The following MAP3K15 variants were observed in gnomAD, a reference collection of about 807,000 sequenced individuals.
MAP3K15 encodes the protein mitogen-activated protein kinase kinase kinase 15.
Under a neutral mutation model 99.5 loss-of-function variants are expected in MAP3K15, and 124 were observed. The observed-to-expected ratio is 1.25, with a 90% CI of 1.08 to 1.45. The LOEUF (loss-of-function observed/expected upper bound fraction) is 1.45, where lower values mean the gene tolerates loss of function less well. Among genes scored for constraint, MAP3K15 ranks in the 40% most tolerant of loss-of-function variants. The pLI, the probability that MAP3K15 is intolerant of heterozygous loss-of-function variation, is 0.00. For synonymous variants in MAP3K15, 494 were observed against 439.6 expected (o/e 1.12, Z -1.55); for missense variants, 1,242 against 1,079.7 (o/e 1.15, Z -2.11).
chrX:19,409,598 A>C (rs2063672159), intron 12 of MAP3K15, among the ~76,000 whole-genome samples: 1 of 112,019 alleles, frequency 8.9e-6, no homozygotes. Context: ...CAGTTCTCAG[A>C]GTCACTGAGC....
rs749376618 is a variant in MAP3K15 at position 19,398,206 on chromosome X, G to A, written c.2066+20C>T. 8.3e-7 allele frequency: 1 copy of A among 1,210,538 alleles called. No homozygotes were observed. Among genetic ancestry groups the A allele is most frequent in the East Asian group, 3.0e-5 (1 of 33,838 alleles). ...GTGTGGAGACGGCACCCGAAATGCG[G>A]AAGGCCCGCCTGGACTTGCCTGCTA... On this transcript the variant is annotated intron_variant, in intron 15 of 28. Coordinates refer to ENST00000338883, the MANE Select transcript of MAP3K15 (RefSeq NM_001001671.4).
chrX:19,391,951 G>A (rs1415667557), intron 18 of MAP3K15, 51 bp downstream of exon 18: 65 of 933,102 alleles, frequency 7.0e-5, no homozygotes, highest in Non-Finnish European at 1.0e-4. Context: ...AGCTTGTGCA[G>A]AAAGCGTAAC....
chrX:19,456,562 C>G (rs762507005), intron 6 of MAP3K15, among the ~76,000 whole-genome samples: 50 of 111,923 alleles, frequency 4.5e-4, no homozygotes, highest in African/African-American at 1.6e-3. Context: ...ATGTGTATAG[C>G]CAATTATCAA....
At chrX:19,391,674 C>CAAAAAAAAAAAAAAAAAAAAAAGAAA (rs2063528497) in intron 18 of MAP3K15, among the ~76,000 whole-genome samples, 4 of 28,516 alleles carry the variant, frequency 1.4e-4, no homozygotes, top group African/African-American at 1.1e-4. Context: ...GACCCCGTCT[C>CAAAAAAAAAAAAAAAAAAAAAAGAAA]AAAAAAAAAA....
intron 1 of MAP3K15, among the ~76,000 whole-genome samples, chrX:19,507,997 A>G (rs1457967507): frequency 9.0e-6 from 1 of 111,076 alleles, no homozygotes; most frequent in Non-Finnish European, 1.9e-5. Flanking sequence ...CCTCCCGAGT[A>G]GCTGAGATTA....
intron 18 of MAP3K15, among the ~76,000 whole-genome samples, chrX:19,385,362 C>A (rs5955764): frequency 9.0e-6 from 1 of 111,086 alleles, no homozygotes; most frequent in African/African-American, 3.3e-5. Flanking sequence ...GAGACTGATC[C>A]GAGAGAAAGA....
At position 19,515,050 on chromosome X, in the gene MAP3K15, G is replaced by C; in HGVS notation, c.212C>G (p.Ser71Cys). 1 of 1,006,393 alleles carries C rather than the reference G, an allele frequency of 9.9e-7. No homozygotes were observed. The highest frequency in any genetic ancestry group is 1.3e-6 in the Non-Finnish European group (1 of 770,346). The allele number at this position is 1,006,393 out of a possible 1,213,427, so 82.9% of individuals were successfully genotyped here. A position where few individuals can be genotyped will look rare whatever the true frequency, so the allele number is the denominator to read the frequency against. ...LRAVYVRSES[S>C]QGGAAGGPEA... is the part of the protein sequence containing the mutation. ...CGGGCCGCCGGCCGCGCCGCCCTGG[G>C]AGCTCTCACTGCGCACGTATACTGC... Residue 71 changes from serine to cysteine, a missense_variant, in exon 1 of 29, where the codon TCC becomes TGC. By Grantham distance (112) the Ser-to-Cys change is moderately radical. Transcript: ENST00000338883.
In MAP3K15 at chrX:19,460,123, G is replaced by A. The variant is rs759145081; in HGVS notation, c.750C>T (p.Asp250=). 33 of 1,189,990 alleles carry A rather than the reference G, an allele frequency of 2.8e-5. No homozygotes were observed. The highest frequency in any genetic ancestry group is 2.3e-4 in the Middle Eastern group (1 of 4,323). ...GGTATTTCTCTCTGGCTTTCCGGAT[G>A]TCATTTAACAAGGTTTCTTTGTAAT... ...CVYYKETLLN[D]IRKAREKYQG... is the part of the protein sequence containing the mutation. Residue 250 remains aspartate, a synonymous_variant, in exon 5 of 29, where the codon GAC becomes GAT. Coordinates refer to ENST00000338883, the MANE Select transcript of MAP3K15 (RefSeq NM_001001671.4).
Position 19,408,461 on chromosome X carries a change from T to G in MAP3K15, c.1749-1178A>C, listed in dbSNP as rs747207666. The G allele has an allele frequency of 1.6e-4, 22 of 135,058 alleles. No individual in the cohort carries two copies. The South Asian group carries it at 3.4e-3, about 21-fold the overall frequency. 11.1% of individuals were successfully genotyped at this position (135,058 alleles called of 1,213,427 possible). A position where few individuals can be genotyped will look rare whatever the true frequency, so the allele number is the denominator to read the frequency against. On this transcript the variant is annotated intron_variant, in intron 12 of 28. Transcript: ENST00000338883. The stretch of plus-strand genomic sequence containing the variant: ...TGAGGTCAGGAGTTCGAGACCAGCC[T>G]GACCAACATGGCAAAACCCTGACTC...
intron 16 of MAP3K15, 103 bp downstream of exon 16, chrX:19,394,978 G>A: frequency 1.0e-6 from 1 of 994,183 alleles, no homozygotes; most frequent in Non-Finnish European, 1.4e-6. Context: ...CGCCCTACAG[G>A]CCTGGCTTAG....
intron 16 of MAP3K15, among the ~76,000 whole-genome samples, chrX:19,394,282 G>T (rs2063549388): frequency 9.0e-6 from 1 of 111,414 alleles, no homozygotes; most frequent in Admixed American, 9.6e-5. Flanking sequence ...CCACCCAACA[G>T]CCCACTGAGA....
At chrX:19,431,721 A>G (rs5955779) in intron 6 of MAP3K15, 113 bp from the exon 7 acceptor site, 60,219 of 563,751 alleles carry the variant, frequency 0.11, 10,639 homozygotes, top group African/African-American at 0.77. Context: ...CGAAGCGGGT[A>G]GATCATTTGA....
At chrX:19,392,920 G>A in intron 16 of MAP3K15, among the ~76,000 whole-genome samples, 1 of 110,260 alleles carries the variant, frequency 9.1e-6, no homozygotes. Context: ...ATCAGAGGTG[G>A]ACAGGTCCAC....
In MAP3K15 at chrX:19,449,839, G is replaced by T. The variant is rs899112948; in HGVS notation, c.995+7074C>A. Among the ~76,000 whole-genome samples the T allele has an allele frequency of 2.7e-5, 3 of 109,100 alleles. No homozygotes were observed. In the Admixed American group the frequency reaches 2.9e-4, roughly 11 times the overall value. The allele number at this position is 109,100 out of a possible 115,157, so 94.7% of individuals were successfully genotyped here. ...TTTCTCTTAAGAATTTTTTTTCAGA[G>T]CCAAAGGTATGTTATTTTAAATATT... On this transcript the variant is annotated intron_variant, in intron 6 of 28. Coordinates refer to ENST00000338883, the MANE Select transcript of MAP3K15 (RefSeq NM_001001671.4).
At chrX:19,440,933 A>G (rs1378893880) in intron 6 of MAP3K15, among the ~76,000 whole-genome samples, 1 of 112,566 alleles carries the variant, frequency 8.9e-6, no homozygotes, top group African/African-American at 3.2e-5. Flanking sequence ...CATGGAAAGA[A>G]GTAATGAACA....
chrX:19,469,971 A>G (rs2064196231), intron 3 of MAP3K15, among the ~76,000 whole-genome samples: 2 of 110,619 alleles, frequency 1.8e-5, no homozygotes, highest in Admixed American at 1.9e-4. Context: ...AACTAGTTCA[A>G]CCATTGTGGA....
intron 25 of MAP3K15, among the ~76,000 whole-genome samples, chrX:19,364,742 A>T (rs750092849): frequency 9.1e-6 from 1 of 109,437 alleles, no homozygotes; most frequent in East Asian, 2.9e-4. Flanking sequence ...AAAAATACAA[A>T]ATTAGCCAGG....
chrX:19,497,720 G>C (rs1455096654), intron 1 of MAP3K15: 1 of 110,767 alleles, frequency 9.0e-6, no homozygotes, highest in Non-Finnish European at 1.9e-5. Flanking sequence ...GCTAGAACTG[G>C]GCTGATGCAA....
chrX:19,389,630 G>A (rs971039093), intron 18 of MAP3K15, among the ~76,000 whole-genome samples: 11 of 112,229 alleles, frequency 9.8e-5, no homozygotes. Flanking sequence ...TGCAAAATCC[G>A]TGCCTCCCCA....
Sources: gnomAD v4.1 joint callset for allele counts (sites outside exome capture counted in the v4.1 genomes callset) on GRCh38, gnomAD v4.1.1 for gene constraint, MANE v1.5 for transcripts, NCBI Gene and HGNC (gene_info 2026-07-23, HGNC 2026-07-21) for gene names.